GOLIM4: variants seen among roughly 807,000 people sequenced by gnomAD.
GOLIM4 encodes 130 kDa golgi-localized phosphoprotein.
A neutral mutation model predicts 107.4 loss-of-function variants in GOLIM4; 71 were observed. The ratio of observed to expected loss-of-function variants is 0.66; its 90% CI spans 0.55 to 0.81. The LOEUF is 0.81. GOLIM4 is among the 30% of genes least tolerant of loss of function. GOLIM4 has a pLI of 0.00. For synonymous variants in GOLIM4, 327 were observed against 294.8 expected (o/e 1.11, Z -1.12); for missense variants, 830 against 826.1 (o/e 1.00, Z -0.06).
At position 168,044,838 on chromosome 3, in the gene GOLIM4, T is replaced by A; in HGVS notation, c.356A>T (p.Gln119Leu). ...SRYSALNVQH[Q>L]MLKSQHEELK... ...CTTTAGATTACTCACTTTCAACATC[T>A]GATGTTGGACATTCAGTGCACTGTA... Residue 119 changes from glutamine (Q) to leucine (L), a missense_variant, in exon 4 of 16, where the codon CAG (glutamine) becomes CTG (leucine). Coordinates refer to ENST00000470487, the MANE Select transcript of GOLIM4 (RefSeq NM_014498.5). The A allele has an allele frequency of 6.4e-7, 1 of 1,552,732 alleles. No homozygotes were observed. Among genetic ancestry groups the A allele is most frequent in the Non-Finnish European group, 8.8e-7 (1 of 1,140,768 alleles).
chr3:168,045,681 C>T lies in GOLIM4; in HGVS notation c.313-800G>A, dbSNP rs111645131. Among the ~76,000 whole-genome samples the T allele has an allele frequency of 6.6e-3, 998 of 152,218 alleles. 5 individuals are homozygous for T. Among genetic ancestry groups the T allele is most frequent in the Middle Eastern group, 0.024 (7 of 294 alleles). ...TTAGGTACCATATCCCTCACTTTAC[C>T]CTGCCAGCACAAGTATACACTCATG... On this transcript the variant is annotated intron_variant, in intron 3 of 15. Coordinates refer to ENST00000470487, the MANE Select transcript of GOLIM4 (RefSeq NM_014498.5).
intron 1 of GOLIM4, among the ~76,000 whole-genome samples, chr3:168,059,595 T>C (rs998771124): frequency 1.3e-5 from 2 of 152,216 alleles, no homozygotes; most frequent in African/African-American, 4.8e-5. Flanking sequence ...GGACATACTG[T>C]AAGTAAAACA....
Position 168,095,302 on chromosome 3 carries a change from A to T in GOLIM4, c.-17T>A. 6.2e-7 allele frequency: 1 copy of T among 1,607,096 alleles called. No individual in the cohort carries two copies. Among genetic ancestry groups the T allele is most frequent in the Non-Finnish European group, 8.5e-7 (1 of 1,177,470 alleles). On this transcript the variant is annotated 5_prime_UTR_variant, in exon 1 of 16. Coordinates refer to ENST00000470487, the MANE Select transcript of GOLIM4 (RefSeq NM_014498.5). Reference sequence around the variant, plus strand: ...GTTTCCCATAGTCCCGCCTGGACCCAAAGCCGCGGCCGCCCCCGCCGTCTC... The same window carrying T: ...GTTTCCCATAGTCCCGCCTGGACCCTAAGCCGCGGCCGCCCCCGCCGTCTC...
chr3:168,092,623 C>A (rs1171926010), intron 1 of GOLIM4, among the ~76,000 whole-genome samples: 2 of 152,070 alleles, frequency 1.3e-5, no homozygotes, highest in Admixed American at 6.5e-5. Flanking sequence ...TTAATCCAAG[C>A]CAGGTCAAGC....
chr3:168,021,558 C>A (rs904688177), intron 14 of GOLIM4, among the ~76,000 whole-genome samples: 1 of 151,814 alleles, frequency 6.6e-6, no homozygotes. Flanking sequence ...GCCAGCTACT[C>A]GGGAGGCTGA....
At chr3:168,018,857 G>A (rs6772023) in intron 14 of GOLIM4, among the ~76,000 whole-genome samples, 27,174 of 151,916 alleles carry the variant, frequency 0.18, 5,172 homozygotes, top group African/African-American at 0.48. Context: ...AGTCTATGCC[G>A]TATGGCAGGA....
chr3:168,039,386 C>T (rs1427064842), intron 7 of GOLIM4, among the ~76,000 whole-genome samples: 2 of 151,796 alleles, frequency 1.3e-5, no homozygotes, highest in African/African-American at 4.8e-5. Context: ...GCCTCAGCCT[C>T]CTGGGTAGCT....
intron 1 of GOLIM4, among the ~76,000 whole-genome samples, chr3:168,056,296 C>T (rs866641178): frequency 2.0e-5 from 3 of 152,216 alleles, no homozygotes; most frequent in Non-Finnish European, 4.4e-5. Context: ...GGAACCTCCA[C>T]CTAGATTTCA....
At chr3:168,032,493 C>T (rs371210098) in intron 9 of GOLIM4, 27 bp downstream of exon 9, 2 of 1,556,656 alleles carry the variant, frequency 1.3e-6, no homozygotes, top group East Asian at 2.2e-5. Context: ...TCCCAGTACA[C>T]CATACCAGAA....
At chr3:168,023,372 G>A (rs1470222130) in intron 14 of GOLIM4, among the ~76,000 whole-genome samples, 3 of 152,240 alleles carry the variant, frequency 2.0e-5, no homozygotes, top group Non-Finnish European at 2.9e-5. Flanking sequence ...GATCAAGCCA[G>A]TTAAAGTGCA....
At chr3:168,030,345 C>T (rs1024632476) in intron 9 of GOLIM4, among the ~76,000 whole-genome samples, 2 of 152,102 alleles carry the variant, frequency 1.3e-5, no homozygotes, top group Non-Finnish European at 2.9e-5. Flanking sequence ...TTTATGTTCA[C>T]AAGGCTCTGA....
intron 12 of GOLIM4, among the ~76,000 whole-genome samples, chr3:168,027,511 C>T (rs1310261530): frequency 2.1e-4 from 31 of 146,628 alleles, no homozygotes; most frequent in Non-Finnish European, 3.3e-4. Flanking sequence ...TTTTTTTTTT[C>T]CCCCAGAGCA....
Position 168,042,263 on chromosome 3 carries a change from T to A in GOLIM4, c.518-789A>T, listed in dbSNP as rs1428264182. 4.6e-5 allele frequency among the ~76,000 whole-genome samples: 7 copies of A among 152,086 alleles called. No homozygotes were observed. In the East Asian group the frequency reaches 1.2e-3, roughly 25 times the overall value. On this transcript the variant is annotated intron_variant, in intron 5 of 15. Transcript: ENST00000470487. ...CCTATTTTTTTTTTTTGACAGAGTC[T>A]CTCTCTGTCACCCAGGCTGGAGTGC...
At position 168,025,041 on chromosome 3, in the gene GOLIM4, C is replaced by T. The variant is rs1172834785; in HGVS notation, c.1678G>A (p.Asp560Asn). ...PADDPNNQGE[D>N]EFEEAEQVRE... ...ACTTGCTCGGCTTCTTCAAATTCAT[C>T]CTCACCTTGATTATTAGGGTCATCT... The change falls in exon 13 of 16, where the codon GAT becomes AAT. Residue 560 changes from aspartate to asparagine, a missense_variant. Coordinates refer to ENST00000470487, the MANE Select transcript of GOLIM4 (RefSeq NM_014498.5). The T allele has an allele frequency of 6.2e-7, 1 of 1,613,932 alleles. No homozygotes were observed. The highest frequency in any genetic ancestry group is 1.1e-5 in the South Asian group (1 of 91,080).
At chr3:168,049,454 G>A (rs1029858394) in intron 1 of GOLIM4, among the ~76,000 whole-genome samples, 3 of 103,150 alleles carry the variant, frequency 2.9e-5, no homozygotes, top group Non-Finnish European at 4.4e-5. Flanking sequence ...AATAGGCACC[G>A]AGGGAGAGAA....
At chr3:168,044,940 C>T (rs1719218154) in intron 3 of GOLIM4, 59 bp from the exon 4 acceptor site, 1 of 881,994 alleles carries the variant, frequency 1.1e-6, no homozygotes, top group East Asian at 2.6e-5. Flanking sequence ...TTGTTAAATA[C>T]AGCTTAAAGC....
chr3:168,047,093 A>G lies in GOLIM4; in HGVS notation c.263-94T>C, dbSNP rs989498125. ...AAGGCAAACTTCACTCATGCTTACA[A>G]AAGTGTTTTAGGTTTAAAACAATCT... On this transcript the variant is annotated intron_variant, in intron 2 of 15. Coordinates refer to ENST00000470487, the MANE Select transcript of GOLIM4 (RefSeq NM_014498.5). 4.8e-6 allele frequency: 3 copies of G among 620,666 alleles called. No individual in the cohort carries two copies. The East Asian group carries it at 9.4e-5, about 19-fold the overall frequency. 38.4% of individuals were successfully genotyped at this position (620,666 alleles called of 1,614,324 possible).
At chr3:168,079,519 T>C (rs1721236917) in intron 1 of GOLIM4, among the ~76,000 whole-genome samples, 1 of 152,200 alleles carries the variant, frequency 6.6e-6, no homozygotes, top group African/African-American at 2.4e-5. Flanking sequence ...ATCAAGCTGT[T>C]TGCTTATAAT....
chr3:168,011,683 G>A (rs1010973267), intron 14 of GOLIM4, among the ~76,000 whole-genome samples: 41 of 148,108 alleles, frequency 2.8e-4, no homozygotes, highest in African/African-American at 8.5e-4. Flanking sequence ...CTCCCAGCAC[G>A]CAGCTGGAGA....
Sources: gnomAD v4.1 joint callset for allele counts (sites outside exome capture counted in the v4.1 genomes callset) on GRCh38, gnomAD v4.1.1 for gene constraint, MANE v1.5 for transcripts, NCBI Gene and HGNC (gene_info 2026-07-23, HGNC 2026-07-21) for gene names.